Variants in USP21 observed in about 807,000 individuals in gnomAD.
The protein encoded by USP21 is ubiquitin specific peptidase 21, also known as ubiquitin carboxyl-terminal hydrolase 21.
In USP21, 37 loss-of-function variants were observed where a neutral mutation model predicts 70.8. The ratio of observed to expected loss-of-function variants is 0.52; its 90% CI spans 0.40 to 0.69. The LOEUF (loss-of-function observed/expected upper bound fraction) is 0.69. USP21 is among the 30% of genes least tolerant of loss of function. USP21 has a pLI of 0.00. For synonymous variants in USP21, 263 were observed against 283.1 expected (o/e 0.93, Z 0.71); for missense variants, 584 against 740.8 (o/e 0.79, Z 2.46).
At position 161,159,519 on chromosome 1, in the gene USP21, C is replaced by T. The variant is rs978508891; in HGVS notation, c.-322C>T. The T allele has an allele frequency of 6.6e-6, 1 of 152,552 alleles. No individual in the cohort carries two copies. Among genetic ancestry groups the T allele is most frequent in the Admixed American group, 6.5e-5 (1 of 15,280 alleles). The allele number at this position is 152,552 out of a possible 1,614,324, so 9.4% of individuals were successfully genotyped here. On this transcript the variant is annotated 5_prime_UTR_variant, in exon 1 of 14. Coordinates refer to ENST00000368002, the MANE Select transcript of USP21 (RefSeq NM_001014443.3). ...GTGGCCGGTGGCCGGGCGGGACCAA[C>T]AAAGATGGCGGCGGCCCCTGCGGCG...
In USP21 at chr1:161,161,850, A is replaced by T; in HGVS notation, c.601-188A>T. The T allele has an allele frequency of 1.6e-6, 1 of 634,082 alleles. No homozygotes were observed. Among genetic ancestry groups the T allele is most frequent in the East Asian group, 2.8e-5 (1 of 36,258 alleles). The allele number at this position is 634,082 out of a possible 1,614,324, so 39.3% of individuals were successfully genotyped here. ...CCATGGCTGAGTCCGTGGTACATTC[A>T]GCTGTGATGGGCTTACTGCTCATGA... On this transcript the variant is annotated intron_variant, in intron 3 of 13. Transcript: ENST00000368002. The surrounding 1 kb of genome is among the most constrained non-coding windows in gnomAD (Gnocchi z 4.2).
In USP21 at chr1:161,164,754, G is replaced by A; in HGVS notation, c.1385-81G>A. 1 of 1,596,278 alleles carries A rather than the reference G, an allele frequency of 6.3e-7. No individual in the cohort carries two copies. The highest frequency in any genetic ancestry group is 1.1e-5 in the South Asian group (1 of 88,898). ...AAGATGCTCCCAGTGTGTCGGGAGTGGGGAGAGGACAGCTTTCAGGATAGA... is the reference window on the plus strand; with the variant it reads ...AAGATGCTCCCAGTGTGTCGGGAGTAGGGAGAGGACAGCTTTCAGGATAGA... On this transcript the variant is annotated intron_variant, in intron 11 of 13. Transcript: ENST00000368002. This position sits in a 1 kb window ranked among gnomAD's most constrained non-coding sequence, Gnocchi z 4.2.
Position 161,164,754 on chromosome 1 carries a change from G to T in USP21, c.1385-81G>T, listed in dbSNP as rs1156299534. On this transcript the variant is annotated intron_variant, in intron 11 of 13. Transcript: ENST00000368002. The surrounding 1 kb of genome is among the most constrained non-coding windows in gnomAD (Gnocchi z 4.2). ...AAGATGCTCCCAGTGTGTCGGGAGT[G>T]GGGAGAGGACAGCTTTCAGGATAGA... is the stretch of plus-strand genomic sequence containing the variant. 2.5e-6 allele frequency: 4 copies of T among 1,596,160 alleles called. No individual in the cohort carries two copies. The highest frequency in any genetic ancestry group is 2.7e-5 in the African/African-American group (2 of 74,368).
Position 161,160,609 on chromosome 1 carries a change from TCTC to T in USP21, c.-21-6_-21-4del, listed in dbSNP as rs773081315. 70 of 1,595,354 alleles carry T rather than the reference TCTC, an allele frequency of 4.4e-5. No homozygotes were observed. Among genetic ancestry groups the T allele is most frequent in the Non-Finnish European group, 5.4e-5 (63 of 1,166,660 alleles). ...CCATATTCAAATGCTGACACTCTCT[TCTC>T]CTCCCAGGTCCAGCCTGTGGTGTCC... On this transcript the variant is annotated splice_region_variant and splice_polypyrimidine_tract_variant and intron_variant, in intron 2 of 13. Coordinates refer to ENST00000368002, the MANE Select transcript of USP21 (RefSeq NM_001014443.3).
At position 161,161,005 on chromosome 1, in the gene USP21, TG is replaced by T. The variant is rs1558001601; in HGVS notation, c.369del (p.Ile124LeufsTer16). The T allele has an allele frequency of 6.2e-7, 1 of 1,614,136 alleles. No individual in the cohort carries two copies. Among genetic ancestry groups the T allele is most frequent in the Non-Finnish European group, 8.5e-7 (1 of 1,180,052 alleles). On this transcript the variant is annotated frameshift_variant, in exon 3 of 14. Coordinates refer to ENST00000368002, the MANE Select transcript of USP21 (RefSeq NM_001014443.3). LOFTEE classifies it high-confidence loss of function. This position sits in a 1 kb window ranked among gnomAD's most constrained non-coding sequence, Gnocchi z 4.2. ...GTGAGCAGTGGGGACTTGCGTCCAA[TG>T]GGGATTGCCTTGGGAGGGCACCGTG... ...KSVSSGDLRP[M>X]GIALGGHRGT...
rs1252824621 is a variant in USP21 at position 161,160,837 on chromosome 1, T to C, written c.197T>C (p.Leu66Pro). Residue 66 changes from leucine (L) to proline (P), a missense_variant, in exon 3 of 14, where the codon CTG (leucine) becomes CCG (proline). Leu to Pro is a moderately conservative substitution (Grantham distance 98). Coordinates refer to ENST00000368002, the MANE Select transcript of USP21 (RefSeq NM_001014443.3). Reference sequence around the variant, plus strand: ...CTGCCTGATGAACGGCTCAAGAAACTGGAGCTGGGACGGGGACGGACCTCA... The same window carrying C: ...CTGCCTGATGAACGGCTCAAGAAACCGGAGCTGGGACGGGGACGGACCTCA... ...PGLPDERLKK[L>P]ELGRGRTSGP... 7 of 1,614,076 alleles carry C rather than the reference T, an allele frequency of 4.3e-6. No homozygotes were observed. Among genetic ancestry groups the C allele is most frequent in the Non-Finnish European group, 5.9e-6 (7 of 1,180,056 alleles).
chr1:161,162,464 G>T lies in USP21; in HGVS notation c.781+74G>T, dbSNP rs1481966205. The T allele has an allele frequency of 1.0e-5, 16 of 1,559,000 alleles. No individual in the cohort carries two copies. Among genetic ancestry groups the T allele is most frequent in the Admixed American group, 1.8e-5 (1 of 55,586 alleles). On this transcript the variant is annotated intron_variant, in intron 5 of 13. Coordinates refer to ENST00000368002, the MANE Select transcript of USP21 (RefSeq NM_001014443.3). The surrounding 1 kb of genome is among the most constrained non-coding windows in gnomAD (Gnocchi z 4.1). ...CCACTTGCAGGTCCATCTGCCACTG[G>T]TGGTGGCCCCCAACCCTTAAATCTG...
Position 161,161,906 on chromosome 1 carries a change from T to G in USP21, c.601-132T>G. 1.2e-6 allele frequency: 1 copy of G among 850,166 alleles called. No homozygotes were observed. The highest frequency in any genetic ancestry group is 1.9e-5 in the Admixed American group (1 of 53,020). 52.7% of individuals were successfully genotyped at this position (850,166 alleles called of 1,614,324 possible). ...GAGGTAGGGAGACTAGAATACCTAGTGAGGGGAATAGGGTAGAGTTTGGGG... is the reference window on the plus strand; with the variant it reads ...GAGGTAGGGAGACTAGAATACCTAGGGAGGGGAATAGGGTAGAGTTTGGGG... On this transcript the variant is annotated intron_variant, in intron 3 of 13. Coordinates refer to ENST00000368002, the MANE Select transcript of USP21 (RefSeq NM_001014443.3). This position sits in a 1 kb window ranked among gnomAD's most constrained non-coding sequence, Gnocchi z 4.2.
In USP21 at chr1:161,164,097, G is replaced by C; in HGVS notation, c.1219-67G>C. 1.3e-6 allele frequency: 2 copies of C among 1,592,394 alleles called. No individual in the cohort carries two copies. The highest frequency in any genetic ancestry group is 1.7e-6 in the Non-Finnish European group (2 of 1,160,670). On this transcript the variant is annotated intron_variant, in intron 9 of 13. Transcript: ENST00000368002. The surrounding 1 kb of genome is among the most constrained non-coding windows in gnomAD (Gnocchi z 4.2). ...GTTTCTGGAGCAGAACTGAAGCCTG[G>C]ATTGATTGAGAAGAGTTGGAAAAGG...
chr1:161,161,371 C>G lies in USP21; in HGVS notation c.600+131C>G. On this transcript the variant is annotated intron_variant, in intron 3 of 13. Coordinates refer to ENST00000368002, the MANE Select transcript of USP21 (RefSeq NM_001014443.3). The surrounding 1 kb of genome is among the most constrained non-coding windows in gnomAD (Gnocchi z 4.2). ...CCTTCATTACAGCAGTTTGGACATG[C>G]CTCTCCCTTGCTTAAATACCCTTGA... The G allele has an allele frequency of 8.3e-7, 1 of 1,210,648 alleles. No homozygotes were observed. The highest frequency in any genetic ancestry group is 2.4e-5 in the East Asian group (1 of 41,850). The allele number at this position is 1,210,648 out of a possible 1,614,324, so 75.0% of individuals were successfully genotyped here. A position where few individuals can be genotyped will look rare whatever the true frequency, so the allele number is the denominator to read the frequency against.
rs546385110 is a variant in USP21, at chr1:161,162,960, G to A, written c.935G>A (p.Arg312Gln). ...AQEFLKLLMERLHLEINRRGR... is the reference protein window; with the variant it reads ...AQEFLKLLMEQLHLEINRRGR... ...GAGTTCCTGAAGCTCCTCATGGAGC[G>A]GCTACACCTTGAAATCAACCGCCGA... The change falls in exon 7 of 14, where the codon CGG (arginine) becomes CAG (glutamine). Residue 312 changes from arginine to glutamine, a missense_variant. This residue lies in a region of USP21 where 87 missense variants were observed against 162.4 expected (regional missense o/e 0.54). Transcript: ENST00000368002. This position sits in a 1 kb window ranked among gnomAD's most constrained non-coding sequence, Gnocchi z 4.1. 4.8e-5 allele frequency: 77 copies of A among 1,613,428 alleles called. No individual in the cohort carries two copies. The highest frequency in any genetic ancestry group is 2.7e-4 in the East Asian group (12 of 44,880).
chr1:161,161,483 A>C lies in USP21; in HGVS notation c.600+243A>C. The C allele has an allele frequency of 2.0e-6, 1 of 500,400 alleles. No individual in the cohort carries two copies. Among genetic ancestry groups the C allele is most frequent in the South Asian group, 3.1e-5 (1 of 32,428 alleles). 31.0% of individuals were successfully genotyped at this position (500,400 alleles called of 1,614,324 possible). Reference sequence around the variant, plus strand: ...CCAGGGGATTACCCCAACTATTTAGAATTCTTCTTTGGGTCCCCAGGCCCT... The same window carrying C: ...CCAGGGGATTACCCCAACTATTTAGCATTCTTCTTTGGGTCCCCAGGCCCT... On this transcript the variant is annotated intron_variant, in intron 3 of 13. Transcript: ENST00000368002. The surrounding 1 kb of genome is among the most constrained non-coding windows in gnomAD (Gnocchi z 4.2).
chr1:161,164,240 A>C lies in USP21; in HGVS notation c.1295A>C (p.Glu432Ala), dbSNP rs766900223. 6.2e-7 allele frequency: 1 copy of C among 1,614,200 alleles called. No individual in the cohort carries two copies. The highest frequency in any genetic ancestry group is 8.5e-7 in the Non-Finnish European group (1 of 1,180,032). The change falls in exon 10 of 14, where the codon GAG (glutamate) becomes GCG (alanine). Residue 432 changes from glutamate to alanine, a missense_variant. Coordinates refer to ENST00000368002, the MANE Select transcript of USP21 (RefSeq NM_001014443.3). The surrounding 1 kb of genome is among the most constrained non-coding windows in gnomAD (Gnocchi z 4.2). ...ACTAAGGAAGAAGAGCTAGAGTCGG[A>C]GAATGCCCCAGTATGTGGAGGTTCA... ...LFTKEEELES[E>A]NAPVCDRCRQ...
At position 161,162,227 on chromosome 1, in the gene USP21, A is replaced by G. The variant is rs1290407322; in HGVS notation, c.661-43A>G. 1.4e-5 allele frequency: 22 copies of G among 1,608,354 alleles called. No individual in the cohort carries two copies. The highest frequency in any genetic ancestry group is 1.9e-5 in the Non-Finnish European group (22 of 1,175,984). On this transcript the variant is annotated intron_variant, in intron 4 of 13. Coordinates refer to ENST00000368002, the MANE Select transcript of USP21 (RefSeq NM_001014443.3). This position sits in a 1 kb window ranked among gnomAD's most constrained non-coding sequence, Gnocchi z 4.1. ...GAAGCTCTTCTAAGGCTTCCTGGGC[A>G]GTGGTCTGGAGAGATAACAGCAGTG... is the stretch of plus-strand genomic sequence containing the variant.
chr1:161,159,588 C>T lies in USP21; in HGVS notation c.-253C>T, dbSNP rs1198586585. ...GCTGCGGCTAAAGCTGCAGCCGGGC[C>T]CACGGGGGGGCTGCACGGGGGTAGT... On this transcript the variant is annotated 5_prime_UTR_variant, in exon 1 of 14. Coordinates refer to ENST00000368002, the MANE Select transcript of USP21 (RefSeq NM_001014443.3). 6.6e-6 allele frequency: 1 copy of T among 152,158 alleles called. No individual in the cohort carries two copies. The highest frequency in any genetic ancestry group is 2.4e-5 in the African/African-American group (1 of 41,368). 9.4% of individuals were successfully genotyped at this position (152,158 alleles called of 1,614,324 possible). A position where few individuals can be genotyped will look rare whatever the true frequency, so the allele number is the denominator to read the frequency against.
Position 161,164,254 on chromosome 1 carries a change from T to C in USP21, c.1305+4T>C, listed in dbSNP as rs1365909403. ...GCTAGAGTCGGAGAATGCCCCAGTATGTGGAGGTTCACAAGGGATACAGTA... is the reference window on the plus strand; with the variant it reads ...GCTAGAGTCGGAGAATGCCCCAGTACGTGGAGGTTCACAAGGGATACAGTA... On this transcript the variant is annotated splice_donor_region_variant and intron_variant, in intron 10 of 13. Transcript: ENST00000368002. The surrounding 1 kb of genome is among the most constrained non-coding windows in gnomAD (Gnocchi z 4.2). 1.2e-6 allele frequency: 2 copies of C among 1,613,888 alleles called. No individual in the cohort carries two copies. The highest frequency in any genetic ancestry group is 1.7e-6 in the Non-Finnish European group (2 of 1,179,900).
intron 7 of USP21, 138 bp downstream of exon 7, chr1:161,163,212 T>C: frequency 2.7e-6 from 3 of 1,114,094 alleles, no homozygotes; most frequent in Non-Finnish European, 3.8e-6. Context: ...AGAAGCAACA[T>C]AGAAGTAGAA....
chr1:161,164,583 T>A lies in USP21; in HGVS notation c.1355T>A (p.Val452Glu). 6.2e-7 allele frequency: 1 copy of A among 1,614,218 alleles called. No individual in the cohort carries two copies. The highest frequency in any genetic ancestry group is 8.5e-7 in the Non-Finnish European group (1 of 1,180,032). Residue 452 changes from valine to glutamate, a missense_variant, in exon 11 of 14, where the codon GTA becomes GAA. Val to Glu is a moderately radical substitution (Grantham distance 121). This residue lies in a region of USP21 where 173 missense variants were observed against 268.2 expected (regional missense o/e 0.65). Transcript: ENST00000368002. The surrounding 1 kb of genome is among the most constrained non-coding windows in gnomAD (Gnocchi z 4.2). ...ACTCGAAGTACCAAAAAGTTGACAG[T>A]ACAAAGATTCCCTCGAATCCTCGTG... ...QKTRSTKKLTVQRFPRILVLH... is the reference protein window; with the variant it reads ...QKTRSTKKLTEQRFPRILVLH...
rs372183292 is a variant in USP21, at chr1:161,163,661, AG to A, written c.1114+48del. On this transcript the variant is annotated intron_variant, in intron 8 of 13. Transcript: ENST00000368002. ...AGCAATGAGGGAAAATTAGTGTGTG[AG>A]GGGGGTACAGGCTTGGGGGGAAAAA... 48 of 1,211,874 alleles carry A rather than the reference AG, an allele frequency of 4.0e-5. No individual in the cohort carries two copies. In the African/African-American group the frequency reaches 7.3e-4, roughly 18 times the overall value. 75.1% of individuals were successfully genotyped at this position (1,211,874 alleles called of 1,614,324 possible).
Sources: gnomAD v4.1 joint callset for allele counts on GRCh38, gnomAD v4.1.1 for gene constraint, gnomAD v4.1.1 regional missense constraint, Gnocchi (gnomAD v3.1) non-coding constraint, MANE v1.5 for transcripts, NCBI Gene and HGNC (gene_info 2026-07-23, HGNC 2026-07-21) for gene names.